ZNF730: variants seen among roughly 807,000 people sequenced by gnomAD.
The protein encoded by ZNF730 is zinc finger protein 730.
ZNF730 carries 12 observed loss-of-function variants against 12.6 expected under a neutral mutation model. That is an observed-to-expected ratio of 0.95 (90% CI 0.61 to 1.54). The LOEUF (loss-of-function observed/expected upper bound fraction) is 1.54. ZNF730 is among the 40% of genes most tolerant of loss of function. The probability of loss-of-function intolerance (pLI) is 0.00; values close to 1 mark genes in which losing one functional copy is unlikely to be tolerated. For synonymous variants in ZNF730, 194 were observed against 195.8 expected, an observed-to-expected ratio of 0.99 and a Z score of 0.08; for missense variants, 643 against 583.5, an observed-to-expected ratio of 1.10 and a Z score of -1.05.
chr19:23,091,758 A>C (rs1032006129), intron 1 of ZNF730, among the ~76,000 whole-genome samples: 8 of 152,272 alleles, frequency 5.3e-5, no homozygotes, highest in African/African-American at 1.7e-4. Flanking sequence ...TATTGTATCT[A>C]GGAAGTAACT....
At chr19:23,127,564 A>G (rs1263118443) in intron 1 of ZNF730, 3 of 914,324 alleles carry the variant, frequency 3.3e-6, no homozygotes, top group Non-Finnish European at 5.5e-6. Flanking sequence ...CAAAGGAATC[A>G]TGAAGCCAGA....
Position 23,134,093 on chromosome 19 carries a change from T to G in ZNF730, c.17T>G (p.Phe6Cys). MGALT[F>C]RDVAIEFSLE... is the part of the protein sequence containing the mutation. ...TGTGTTTTTCAGGGAGCGTTGACATTTAGAGATGTGGCCATAGAATTCTCT... is the reference window on the plus strand; with the variant it reads ...TGTGTTTTTCAGGGAGCGTTGACATGTAGAGATGTGGCCATAGAATTCTCT... The change falls in exon 2 of 4, where the codon TTT becomes TGT. Residue 6 changes from phenylalanine (F) to cysteine (C), a missense_variant. Coordinates refer to ENST00000597761, the MANE Select transcript of ZNF730 (RefSeq NM_001277403.2). 6.2e-7 allele frequency: 1 copy of G among 1,613,420 alleles called. No homozygotes were observed. The highest frequency in any genetic ancestry group is 1.3e-5 in the African/African-American group (1 of 75,034).
chr19:23,076,403 A>T (rs62121615), intron 1 of ZNF730, among the ~76,000 whole-genome samples: 5,823 of 152,248 alleles, frequency 0.038, 124 homozygotes, highest in East Asian at 0.11. Flanking sequence ...CTAGGTACAC[A>T]CACCTTATTA....
chr19:23,137,485 G>A (rs1970851514), intron 3 of ZNF730, among the ~76,000 whole-genome samples: 1 of 152,132 alleles, frequency 6.6e-6, no homozygotes, highest in Non-Finnish European at 1.5e-5. Context: ...TTAATGTACT[G>A]TTTATGGTTT....
At chr19:23,091,444 T>C (rs536512811) in intron 1 of ZNF730, among the ~76,000 whole-genome samples, 161 of 152,228 alleles carry the variant, frequency 1.1e-3, no homozygotes, top group Admixed American at 2.1e-3. Context: ...GAATGGTAGA[T>C]TCACCCACAG....
upstream of ZNF730, among the ~76,000 whole-genome samples, chr19:23,115,074 GCTT>G (rs146417215): frequency 9.9e-4 from 151 of 151,844 alleles, 3 homozygotes; most frequent in East Asian, 0.024. Flanking sequence ...ACCACCATGT[GCTT>G]CTGCAATTTC....
chr19:23,116,892 T>C (rs932781459), upstream of ZNF730: 3 of 626,706 alleles, frequency 4.8e-6, no homozygotes. Context: ...CAGTCCAGCA[T>C]CTGATCACAT....
At chr19:23,076,090 G>A (rs373494006) in intron 1 of ZNF730, among the ~76,000 whole-genome samples, 1 of 152,008 alleles carries the variant, frequency 6.6e-6, no homozygotes, top group African/African-American at 2.4e-5. Context: ...CCTAACTCAG[G>A]CTTGCAGTAA....
intron 1 of ZNF730, among the ~76,000 whole-genome samples, chr19:23,089,836 G>A (rs1160380027): frequency 6.6e-6 from 1 of 152,202 alleles, no homozygotes; most frequent in East Asian, 1.9e-4. Flanking sequence ...ACAGGCAAAG[G>A]TTGGAACAGT....
At chr19:23,080,726 T>G (rs1423200636) in intron 1 of ZNF730, among the ~76,000 whole-genome samples, 4 of 152,126 alleles carry the variant, frequency 2.6e-5, no homozygotes, top group Non-Finnish European at 5.9e-5. Context: ...CCCAAATCAT[T>G]GCCAAACCCA....
At chr19:23,124,287 G>A (rs1970636420) in intron 1 of ZNF730, among the ~76,000 whole-genome samples, 1 of 152,176 alleles carries the variant, frequency 6.6e-6, no homozygotes, top group Non-Finnish European at 1.5e-5. Context: ...GAATCTGATG[G>A]CCAAATCTGT....
intron 1 of ZNF730, chr19:23,127,216 G>T: frequency 3.3e-6 from 2 of 609,684 alleles, no homozygotes; most frequent in South Asian, 3.0e-5. Flanking sequence ...TCCATCTGCT[G>T]ATTTAACCAT....
intron 1 of ZNF730, among the ~76,000 whole-genome samples, chr19:23,076,733 C>T (rs1969869213): frequency 6.6e-6 from 1 of 152,106 alleles, no homozygotes; most frequent in Non-Finnish European, 1.5e-5. Flanking sequence ...GCTTAGGCAC[C>T]ACTGGTGGGA....
chr19:23,080,217 C>T (rs1244716317), intron 1 of ZNF730, among the ~76,000 whole-genome samples: 6 of 152,094 alleles, frequency 3.9e-5, no homozygotes, highest in African/African-American at 1.4e-4. Context: ...GTGCCGCATT[C>T]GTTTAATCTA....
At chr19:23,114,330 G>A (rs530157468), upstream of ZNF730, among the ~76,000 whole-genome samples, 36 of 68,908 alleles carry the variant, frequency 5.2e-4, no homozygotes, top group African/African-American at 2.3e-3. Flanking sequence ...TTTTTGAGAC[G>A]GAGTCTCGCT....
intron 1 of ZNF730, among the ~76,000 whole-genome samples, chr19:23,094,300 A>T (rs1387235866): frequency 1.3e-5 from 2 of 148,530 alleles, no homozygotes; most frequent in Non-Finnish European, 3.0e-5. Context: ...TTTTTTTTTA[A>T]ATCAGGCTTT....
chr19:23,079,421 G>A (rs924244109), intron 1 of ZNF730, among the ~76,000 whole-genome samples: 1 of 152,158 alleles, frequency 6.6e-6, no homozygotes, highest in African/African-American at 2.4e-5. Flanking sequence ...GCCTCCCAGA[G>A]TGCTGGAATT....
At chr19:23,137,775 A>G (rs1970854421) in intron 3 of ZNF730, among the ~76,000 whole-genome samples, 1 of 152,138 alleles carries the variant, frequency 6.6e-6, no homozygotes, top group Non-Finnish European at 1.5e-5. Flanking sequence ...CTTATAGTGG[A>G]GAGGGGTTGT....
upstream of ZNF730, among the ~76,000 whole-genome samples, chr19:23,114,228 T>C (rs1285009472): frequency 6.6e-6 from 1 of 152,056 alleles, no homozygotes; most frequent in African/African-American, 2.4e-5. Flanking sequence ...CACAGGCTAC[T>C]CAATTTGCAA....
Sources: allele counts gnomAD v4.1 joint callset (sites outside exome capture counted in the v4.1 genomes callset), GRCh38; gene constraint gnomAD v4.1.1; transcripts MANE v1.5; gene names NCBI Gene and HGNC (gene_info 2026-07-23, HGNC 2026-07-21).